PTPRU: variants seen among roughly 807,000 people sequenced by gnomAD.
PTPRU encodes the protein protein tyrosine phosphatase receptor type U, also known as receptor-type tyrosine-protein phosphatase U.
In PTPRU, 69 loss-of-function variants were observed where a neutral mutation model predicts 166.3. That is an observed-to-expected ratio of 0.41 (90% CI 0.34 to 0.51). The LOEUF (loss-of-function observed/expected upper bound fraction) is 0.51, where lower values mean the gene tolerates loss of function less well. PTPRU is among the 20% of genes least tolerant of loss of function. The pLI is 0.09. For missense variants in PTPRU, 1,657 were observed against 2,013.7 expected (o/e 0.82, Z 3.39); for synonymous variants, 793 against 814.0 (o/e 0.97, Z 0.44).
At position 29,279,549 on chromosome 1, in the gene PTPRU, G is replaced by A; in HGVS notation, c.1657G>A (p.Val553Ile). 1 of 1,614,164 alleles carries A rather than the reference G, an allele frequency of 6.2e-7. No individual in the cohort carries two copies. Among genetic ancestry groups the A allele is most frequent in the Non-Finnish European group, 8.5e-7 (1 of 1,180,024 alleles). The change falls in exon 10 of 30, where the codon GTC becomes ATC. Residue 553 changes from valine to isoleucine, a missense_variant. This residue lies in a region of PTPRU where 1,190 missense variants were observed against 1,477.4 expected (regional missense o/e 0.81). Coordinates refer to ENST00000373779, the MANE Select transcript of PTPRU (RefSeq NM_133178.4). The surrounding 1 kb of genome is among the most constrained non-coding windows in gnomAD (Gnocchi z 5.2). The stretch of plus-strand genomic sequence containing the variant: ...CAAGCTCCGCAATGAGACCTACCAT[G>A]TCTTCTCCAACCTGCACCCAGGCAC... ...ISKLRNETYH[V>I]FSNLHPGTTY... is the part of the protein sequence containing the mutation.
At chr1:29,288,032 C>T (rs746311466) in intron 14 of PTPRU, among the ~76,000 whole-genome samples, 2 of 152,138 alleles carry the variant, frequency 1.3e-5, no homozygotes, top group Non-Finnish European at 2.9e-5. Flanking sequence ...CCAGGCTGGT[C>T]TCAAACTCCC....
At chr1:29,245,265 C>A (rs1399919608) in intron 1 of PTPRU, among the ~76,000 whole-genome samples, 1 of 152,180 alleles carries the variant, frequency 6.6e-6, no homozygotes, top group Non-Finnish European at 1.5e-5. Context: ...CTGTGGGTGG[C>A]AGTGGCTTCA....
At chr1:29,307,268 C>G in intron 18 of PTPRU, 1 of 1,317,190 alleles carries the variant, frequency 7.6e-7, no homozygotes. Flanking sequence ...TTCCTTTCTA[C>G]TTATGTGCCC....
intron 11 of PTPRU, 118 bp from the exon 12 acceptor site, chr1:29,282,555 CAGT>C: frequency 7.6e-7 from 1 of 1,317,488 alleles, no homozygotes; most frequent in Non-Finnish European, 1.0e-6. Flanking sequence ...TAGTAAGGAG[CAGT>C]GTGTGGAAGT....
At position 29,242,549 on chromosome 1, in the gene PTPRU, A is replaced by G. The variant is rs182093722; in HGVS notation, c.73+5832A>G. Among the ~76,000 whole-genome samples the G allele has an allele frequency of 6.6e-3, 1,005 of 152,366 alleles. 13 individuals carry two copies. Among genetic ancestry groups the G allele is most frequent in the Non-Finnish European group, 7.3e-3 (494 of 68,038 alleles). On this transcript the variant is annotated intron_variant, in intron 1 of 29. Transcript: ENST00000373779. ...TATTACATTTAAATTAATTAAAATA[A>G]AAATTCAATCCCTCAGTTGCACTAG...
chr1:29,275,041 C>T (rs1685731124), intron 7 of PTPRU, among the ~76,000 whole-genome samples: 1 of 143,276 alleles, frequency 7.0e-6, no homozygotes, highest in African/African-American at 2.7e-5. Context: ...CAGAGTGAGC[C>T]TCTGTCAAAA....
At chr1:29,250,884 A>T (rs1426264933) in intron 1 of PTPRU, among the ~76,000 whole-genome samples, 1 of 152,240 alleles carries the variant, frequency 6.6e-6, no homozygotes, top group African/African-American at 2.4e-5. Context: ...AGCTGGAGCT[A>T]GAACTGGGTC....
At position 29,259,263 on chromosome 1, in the gene PTPRU, G is replaced by A; in HGVS notation, c.480G>A (p.Val160=). ...AGGGGCCCTCCCGCCTCCCCCAGGT[G>A]CTGTTTGAGGCCCTCATCTCCCCAG... ...VSTFWPNEYQ[V]LFEALISPDR... Residue 160 remains valine (V), a splice_region_variant and synonymous_variant, in exon 4 of 30, where the codon GTG becomes GTA. Coordinates refer to ENST00000373779, the MANE Select transcript of PTPRU (RefSeq NM_133178.4). 2 of 1,613,092 alleles carry A rather than the reference G, an allele frequency of 1.2e-6. No individual in the cohort carries two copies. Among genetic ancestry groups the A allele is most frequent in the Non-Finnish European group, 1.7e-6 (2 of 1,179,206 alleles).
In PTPRU at chr1:29,282,959, C is replaced by T. The variant is rs757272592; in HGVS notation, c.2142+10C>T. The stretch of plus-strand genomic sequence containing the variant: ...AAGCCACCTGAAGGGGGTGAGGGAC[C>T]GGCCAGGGTCATGGTGGGCGTGGTT... On this transcript the variant is annotated intron_variant, in intron 12 of 29. Coordinates refer to ENST00000373779, the MANE Select transcript of PTPRU (RefSeq NM_133178.4). 3 of 1,610,052 alleles carry T rather than the reference C, an allele frequency of 1.9e-6. No homozygotes were observed. Among genetic ancestry groups the T allele is most frequent in the East Asian group, 2.2e-5 (1 of 44,620 alleles).
chr1:29,308,566 CAA>C (rs754278193), intron 18 of PTPRU, among the ~76,000 whole-genome samples: 26 of 79,622 alleles, frequency 3.3e-4, no homozygotes, highest in Non-Finnish European at 3.7e-4. Context: ...GTCCCTGTCT[CAA>C]AAAAAAAAAA....
At chr1:29,307,246 CTG>C in intron 18 of PTPRU, 1 of 1,440,906 alleles carries the variant, frequency 6.9e-7, no homozygotes. Flanking sequence ...GTCTGTCTCT[CTG>C]TCTCTGTCCT....
In PTPRU at chr1:29,291,841, T is replaced by G. The variant is rs781416745; in HGVS notation, c.2319-28T>G. On this transcript the variant is annotated intron_variant, in intron 14 of 29. Coordinates refer to ENST00000373779, the MANE Select transcript of PTPRU (RefSeq NM_133178.4). The surrounding 1 kb of genome is among the most constrained non-coding windows in gnomAD (Gnocchi z 4.1). ...GTGCTGTCCAGCCCCACACAATGCC[T>G]GTGTCTCCCCTCAACCCCCCTCTCC... The G allele has an allele frequency of 6.2e-7, 1 of 1,611,158 alleles. No homozygotes were observed. The highest frequency in any genetic ancestry group is 1.1e-5 in the South Asian group (1 of 90,454).
intron 13 of PTPRU, among the ~76,000 whole-genome samples, chr1:29,284,269 C>T (rs1686239702): frequency 6.6e-6 from 1 of 152,188 alleles, no homozygotes. Context: ...TCCGGCTTTC[C>T]TGTGGTGGGG....
rs1486290194 is a variant in PTPRU, at chr1:29,271,214, G to T, written c.1145-4234G>T. ...GACCTGTAGCCCTGTGTAATTTAGA[G>T]GGATGGGGCTTTGAGGTCCCCAAGT... On this transcript the variant is annotated intron_variant, in intron 7 of 29. Transcript: ENST00000373779. This position sits in a 1 kb window ranked among gnomAD's most constrained non-coding sequence, Gnocchi z 4.4. 6.6e-6 allele frequency among the ~76,000 whole-genome samples: 1 copy of T among 152,188 alleles called. No individual in the cohort carries two copies. Among genetic ancestry groups the T allele is most frequent in the African/African-American group, 2.4e-5 (1 of 41,440 alleles).
chr1:29,324,967 T>C (rs1423099158), intron 28 of PTPRU, among the ~76,000 whole-genome samples: 1 of 151,024 alleles, frequency 6.6e-6, no homozygotes, highest in Non-Finnish European at 1.5e-5. Context: ...GCCTCTTCCT[T>C]CTGGGTTCCC....
intron 14 of PTPRU, among the ~76,000 whole-genome samples, chr1:29,289,040 C>G (rs1303214832): frequency 2.7e-5 from 4 of 149,448 alleles, no homozygotes; most frequent in African/African-American, 9.8e-5. Flanking sequence ...GGGCATACAT[C>G]TGGAGTCCTC....
intron 1 of PTPRU, among the ~76,000 whole-genome samples, chr1:29,254,806 A>G (rs1558551125): frequency 6.6e-6 from 1 of 152,144 alleles, no homozygotes; most frequent in South Asian, 2.1e-4. Flanking sequence ...CTGAGTAACA[A>G]TCCGGAGATC....
At chr1:29,247,884 A>C (rs1684370408) in intron 1 of PTPRU, among the ~76,000 whole-genome samples, 1 of 152,088 alleles carries the variant, frequency 6.6e-6, no homozygotes, top group African/African-American at 2.4e-5. Context: ...GTGCTAGCTC[A>C]ACTTTCCCTG....
chr1:29,281,120 G>A (rs892558643), intron 11 of PTPRU, among the ~76,000 whole-genome samples: 1 of 152,118 alleles, frequency 6.6e-6, no homozygotes, highest in Non-Finnish European at 1.5e-5. Flanking sequence ...CTTTAGGTGG[G>A]GGGGGTGTGA....
Sources: allele counts gnomAD v4.1 joint callset (sites outside exome capture counted in the v4.1 genomes callset), GRCh38; gene constraint gnomAD v4.1.1; regional missense constraint gnomAD v4.1.1; non-coding constraint Gnocchi (gnomAD v3.1); transcripts MANE v1.5; gene names NCBI Gene and HGNC (gene_info 2026-07-23, HGNC 2026-07-21).